PALLD: variants seen among roughly 807,000 people sequenced by gnomAD.
PALLD encodes palladin.
A neutral mutation model predicts 123.5 loss-of-function variants in PALLD; 61 were observed. The observed-to-expected ratio is 0.49, with a 90% CI of 0.40 to 0.61. PALLD has a LOEUF of 0.61. Ranked by LOEUF, PALLD falls within the 20% of genes least tolerant of loss-of-function variation. The pLI, the probability that PALLD is intolerant of heterozygous loss-of-function variation, is 0.00. For synonymous variants in PALLD, 465 were observed against 496.4 expected, an observed-to-expected ratio of 0.94 and a Z score of 0.84; for missense variants, 1,273 against 1,377.0, an observed-to-expected ratio of 0.92 and a Z score of 1.20.
intron 2 of PALLD, among the ~76,000 whole-genome samples, chr4:168,665,633 G>A (rs1426398381): frequency 1.3e-5 from 2 of 152,220 alleles, no homozygotes; most frequent in South Asian, 4.1e-4. Context: ...AAGACTCTGT[G>A]AGGCGGGTCA....
intron 3 of PALLD, among the ~76,000 whole-genome samples, chr4:168,678,962 G>T (rs978122306): frequency 1.4e-5 from 2 of 146,792 alleles, no homozygotes; most frequent in East Asian, 4.1e-4. Flanking sequence ...GTGTGTGGGT[G>T]TGATGTGTGT....
chr4:168,835,396 T>C (rs1359225510), intron 10 of PALLD, among the ~76,000 whole-genome samples: 2 of 152,180 alleles, frequency 1.3e-5, no homozygotes, highest in African/African-American at 2.4e-5. Context: ...TGGTACTATA[T>C]ACGTATTGGC....
chr4:168,725,580 G>A (rs1786486713), intron 10 of PALLD, among the ~76,000 whole-genome samples: 1 of 128,028 alleles, frequency 7.8e-6, no homozygotes, highest in Admixed American at 9.3e-5. Flanking sequence ...AGGCTGGAGT[G>A]CAGTGGTGCG....
At chr4:168,780,403 C>G (rs1282551447) in intron 10 of PALLD, among the ~76,000 whole-genome samples, 2 of 152,226 alleles carry the variant, frequency 1.3e-5, no homozygotes, top group Non-Finnish European at 2.9e-5. Context: ...TTTAATCCAG[C>G]TTTCTTAGTC....
intron 10 of PALLD, among the ~76,000 whole-genome samples, chr4:168,752,891 CT>C (rs1231020613): frequency 8.6e-5 from 13 of 151,584 alleles, no homozygotes; most frequent in Non-Finnish European, 1.9e-4. Context: ...TACAAAATAA[CT>C]TTGAGGAGAA....
intron 3 of PALLD, among the ~76,000 whole-genome samples, chr4:168,678,800 A>T (rs1781136367): frequency 6.9e-6 from 1 of 144,934 alleles, no homozygotes; most frequent in South Asian, 2.3e-4. Context: ...TGGTGTACGT[A>T]GTGGATGTGG....
chr4:168,674,589 G>A (rs894104924), intron 3 of PALLD, among the ~76,000 whole-genome samples: 3 of 152,166 alleles, frequency 2.0e-5, no homozygotes, highest in Non-Finnish European at 4.4e-5. Context: ...TGTGTCTGCT[G>A]CTGCTGAGAG....
chr4:168,606,427 C>A (rs902083585), intron 2 of PALLD, among the ~76,000 whole-genome samples: 10 of 152,080 alleles, frequency 6.6e-5, no homozygotes, highest in African/African-American at 2.4e-4. Flanking sequence ...GTAATCCCAG[C>A]ACTTTGGGAG....
chr4:168,619,386 G>A (rs986656940), intron 2 of PALLD, among the ~76,000 whole-genome samples: 1 of 152,174 alleles, frequency 6.6e-6, no homozygotes, highest in Non-Finnish European at 1.5e-5. Context: ...TCATTTGGTT[G>A]GCATTTAAAT....
chr4:168,762,967 T>C (rs1197270749), intron 10 of PALLD, among the ~76,000 whole-genome samples: 2 of 151,532 alleles, frequency 1.3e-5, no homozygotes, highest in South Asian at 2.1e-4. Flanking sequence ...TAAGTGGGAG[T>C]TGAACAATGA....
At chr4:168,792,040 G>T (rs1473227931) in intron 10 of PALLD, among the ~76,000 whole-genome samples, 1 of 152,120 alleles carries the variant, frequency 6.6e-6, no homozygotes, top group East Asian at 1.9e-4. Context: ...TCAAAAATTT[G>T]ATGAAAATGG....
intron 2 of PALLD, among the ~76,000 whole-genome samples, chr4:168,518,529 A>AC (rs1763223757): frequency 6.6e-6 from 1 of 151,948 alleles, no homozygotes; most frequent in Non-Finnish European, 1.5e-5. Context: ...CCATCACACC[A>AC]CCAGGCTTGT....
chr4:168,813,889 C>T (rs781471919), intron 10 of PALLD, among the ~76,000 whole-genome samples: 24 of 152,212 alleles, frequency 1.6e-4, no homozygotes, highest in African/African-American at 4.3e-4. Context: ...GCATAAGGAA[C>T]CTTCTCCCCA....
chr4:168,512,731 C>G (rs562379386), intron 2 of PALLD, among the ~76,000 whole-genome samples: 49 of 152,278 alleles, frequency 3.2e-4, no homozygotes, highest in Non-Finnish European at 6.6e-4. Flanking sequence ...AACTTATTTA[C>G]TCGAAGTACT....
chr4:168,832,751 A>C (rs1363079940), intron 10 of PALLD: 1 of 152,034 alleles, frequency 6.6e-6, no homozygotes, highest in Admixed American at 6.5e-5. Context: ...GCGCCATTCA[A>C]AGGAAGTTTG....
At chr4:168,602,375 A>C (rs1195527498) in intron 2 of PALLD, among the ~76,000 whole-genome samples, 1 of 152,228 alleles carries the variant, frequency 6.6e-6, no homozygotes, top group Non-Finnish European at 1.5e-5. Flanking sequence ...TTAACAGGTA[A>C]ATCAACAAAT....
intron 2 of PALLD, among the ~76,000 whole-genome samples, chr4:168,548,321 A>G (rs1156787568): frequency 6.7e-6 from 1 of 148,954 alleles, no homozygotes; most frequent in Non-Finnish European, 1.5e-5. Flanking sequence ...AAAAAGGAAA[A>G]GAGATCATTT....
intron 8 of PALLD, among the ~76,000 whole-genome samples, chr4:168,703,008 C>G (rs1361179684): frequency 7.0e-6 from 1 of 142,968 alleles, no homozygotes; most frequent in African/African-American, 2.6e-5. Flanking sequence ...GCTGCACCCA[C>G]TAACTCGTCA....
At chr4:168,734,274 ATT>A (rs879337766) in intron 10 of PALLD, among the ~76,000 whole-genome samples, 2 of 145,770 alleles carry the variant, frequency 1.4e-5, no homozygotes, top group African/African-American at 2.5e-5. Flanking sequence ...CCTGGGTTTG[ATT>A]TTTTTTTTTT....
Sources: allele counts gnomAD v4.1 joint callset (sites outside exome capture counted in the v4.1 genomes callset), GRCh38; gene constraint gnomAD v4.1.1; transcripts MANE v1.5; gene names NCBI Gene and HGNC (gene_info 2026-07-23, HGNC 2026-07-21).